Variants in CATSPERE observed in about 807,000 individuals in gnomAD.
The protein encoded by CATSPERE is cation channel sperm-associated auxiliary subunit epsilon.
Under a neutral mutation model 114.1 loss-of-function variants are expected in CATSPERE, and 93 were observed. That is an observed-to-expected ratio of 0.81 (90% CI 0.69 to 0.97). The LOEUF is 0.97. CATSPERE is among the 50% of genes least tolerant of loss of function. The pLI, the probability that CATSPERE is intolerant of heterozygous loss-of-function variation, is 0.00. For missense variants in CATSPERE, 1,058 were observed against 1,131.6 expected, an observed-to-expected ratio of 0.93 and a Z score of 0.93; for synonymous variants, 341 against 384.1, an observed-to-expected ratio of 0.89 and a Z score of 1.31.
intron 10 of CATSPERE, among the ~76,000 whole-genome samples, chr1:244,570,525 A>G (rs933149055): frequency 1.3e-5 from 2 of 151,838 alleles, no homozygotes; most frequent in Non-Finnish European, 2.9e-5. Context: ...AGTCTTTCTT[A>G]TTTTCTAAGC....
At chr1:244,539,764 G>C (rs1453464725) in intron 8 of CATSPERE, among the ~76,000 whole-genome samples, 1 of 74,756 alleles carries the variant, frequency 1.3e-5, no homozygotes, top group East Asian at 4.3e-4. Flanking sequence ...TTTGCGTAGA[G>C]GTGTTTGTAG....
At chr1:244,494,121 T>C (rs1464345610) in intron 6 of CATSPERE, among the ~76,000 whole-genome samples, 3 of 152,148 alleles carry the variant, frequency 2.0e-5, no homozygotes, top group Admixed American at 1.3e-4. Context: ...CAAAGGATTA[T>C]AAATCATGCT....
chr1:244,488,574 C>T (rs1671446538), intron 5 of CATSPERE, among the ~76,000 whole-genome samples: 1 of 152,208 alleles, frequency 6.6e-6, no homozygotes, highest in Non-Finnish European at 1.5e-5. Context: ...TTAATGTCAG[C>T]TGATACTGAT....
intron 6 of CATSPERE, among the ~76,000 whole-genome samples, 174 bp from the exon 7 acceptor site, chr1:244,498,828 G>A (rs1361083321): frequency 6.6e-6 from 1 of 152,122 alleles, no homozygotes; most frequent in African/African-American, 2.4e-5. Context: ...AACCCAGGAG[G>A]CAGAGGTTGC....
chr1:244,584,774 G>A (rs528706718), intron 13 of CATSPERE, among the ~76,000 whole-genome samples: 1 of 152,192 alleles, frequency 6.6e-6, no homozygotes, highest in South Asian at 2.1e-4. Flanking sequence ...TTCCTACCAG[G>A]GCAAGGTTCC....
At chr1:244,626,139 C>A (rs905860377) in intron 20 of CATSPERE, among the ~76,000 whole-genome samples, 1 of 152,028 alleles carries the variant, frequency 6.6e-6, no homozygotes, top group Non-Finnish European at 1.5e-5. Context: ...AGAAAGTCAG[C>A]CTATCCTTTG....
chr1:244,461,309 C>T lies in CATSPERE; in HGVS notation c.-121C>T, dbSNP rs1666712126. On this transcript the variant is annotated 5_prime_UTR_variant, in exon 1 of 22. Coordinates refer to ENST00000366534, the MANE Select transcript of CATSPERE (RefSeq NM_001130957.2). ...TCGCTGGTCTTCAGGCCCGGCCCGCCCTGTCCAGAGGCGCCGGGACCCAGG... is the reference window on the plus strand; with the variant it reads ...TCGCTGGTCTTCAGGCCCGGCCCGCTCTGTCCAGAGGCGCCGGGACCCAGG... The T allele has an allele frequency of 2.4e-6, 2 of 843,202 alleles. No homozygotes were observed. The highest frequency in any genetic ancestry group is 3.2e-6 in the Non-Finnish European group (2 of 625,974). The allele number at this position is 843,202 out of a possible 1,614,324, so 52.2% of individuals were successfully genotyped here. A position where few individuals can be genotyped will look rare whatever the true frequency, so the allele number is the denominator to read the frequency against.
intron 21 of CATSPERE, among the ~76,000 whole-genome samples, chr1:244,639,439 T>G (rs1291724306): frequency 6.6e-6 from 1 of 152,208 alleles, no homozygotes; most frequent in Non-Finnish European, 1.5e-5. Context: ...TAATCCCTTT[T>G]GGCACTTTGG....
chr1:244,566,112 C>G (rs1039165881), intron 10 of CATSPERE, among the ~76,000 whole-genome samples: 1 of 152,190 alleles, frequency 6.6e-6, no homozygotes, highest in African/African-American at 2.4e-5. Flanking sequence ...TATTCAGATT[C>G]CATGTAGTTG....
At chr1:244,495,539 A>C (rs372376634) in intron 6 of CATSPERE, among the ~76,000 whole-genome samples, 5 of 152,164 alleles carry the variant, frequency 3.3e-5, no homozygotes, top group Admixed American at 6.5e-5. Context: ...TGGCCAACAC[A>C]GTGAAACCCA....
chr1:244,624,822 A>G (rs1672896329), intron 20 of CATSPERE, among the ~76,000 whole-genome samples: 1 of 151,742 alleles, frequency 6.6e-6, no homozygotes, highest in Non-Finnish European at 1.5e-5. Context: ...AAAAGAAACC[A>G]CTTTCTTTGC....
chr1:244,463,583 C>G (rs1667140696), intron 1 of CATSPERE, among the ~76,000 whole-genome samples: 1 of 149,554 alleles, frequency 6.7e-6, no homozygotes, highest in African/African-American at 2.5e-5. Context: ...CTTTGTTATT[C>G]TTACTTTAAC....
chr1:244,525,496 A>G (rs1208251047), intron 8 of CATSPERE, among the ~76,000 whole-genome samples: 2 of 146,364 alleles, frequency 1.4e-5, no homozygotes, highest in African/African-American at 5.4e-5. Flanking sequence ...TAATAATAAT[A>G]AATAAAATAT....
chr1:244,486,915 C>T (rs1157254946), intron 5 of CATSPERE, among the ~76,000 whole-genome samples: 37 of 122,532 alleles, frequency 3.0e-4, no homozygotes, highest in East Asian at 8.9e-4. Flanking sequence ...TACTCGTGGG[C>T]CAGGTGTAGA....
At chr1:244,473,832 T>A (rs1668851387) in intron 2 of CATSPERE, among the ~76,000 whole-genome samples, 1 of 152,146 alleles carries the variant, frequency 6.6e-6, no homozygotes, top group Non-Finnish European at 1.5e-5. Flanking sequence ...GTCTCAATTC[T>A]CATATTAGTT....
intron 7 of CATSPERE, among the ~76,000 whole-genome samples, chr1:244,513,904 T>A (rs984547441): frequency 6.6e-6 from 1 of 152,214 alleles, no homozygotes; most frequent in African/African-American, 2.4e-5. Flanking sequence ...AGCAAATTGA[T>A]CCCTGTGCTC....
rs115003213 is a variant in CATSPERE at position 244,520,733 on chromosome 1, G to A, written c.536+2035G>A. Reference sequence around the variant, plus strand: ...CGTACATATCCCTAGGAAGGGGGCTGAATCCAGGGAGCCAAGCAGCATTGT... The same window carrying A: ...CGTACATATCCCTAGGAAGGGGGCTAAATCCAGGGAGCCAAGCAGCATTGT... On this transcript the variant is annotated intron_variant, in intron 8 of 21. Transcript: ENST00000366534. 6.3e-3 allele frequency among the ~76,000 whole-genome samples: 953 copies of A among 152,268 alleles called. 5 individuals are homozygous for A. The highest frequency in any genetic ancestry group is 0.044 in the Middle Eastern group (13 of 294).
intron 13 of CATSPERE, among the ~76,000 whole-genome samples, chr1:244,587,523 C>T (rs1006445839): frequency 2.6e-5 from 4 of 152,172 alleles, no homozygotes; most frequent in East Asian, 3.8e-4. Context: ...TACAGAGAAG[C>T]GTGGGCTGTG....
intron 8 of CATSPERE, among the ~76,000 whole-genome samples, chr1:244,525,599 T>G (rs1678459910): frequency 1.3e-5 from 2 of 152,138 alleles, no homozygotes; most frequent in Non-Finnish European, 2.9e-5. Context: ...CACAACCAAT[T>G]TGAAAGAATT....
Sources: allele counts gnomAD v4.1 joint callset (sites outside exome capture counted in the v4.1 genomes callset), GRCh38; gene constraint gnomAD v4.1.1; transcripts MANE v1.5; gene names NCBI Gene and HGNC (gene_info 2026-07-23, HGNC 2026-07-21).